PCDHGB4: variants seen among roughly 807,000 people sequenced by gnomAD.
PCDHGB4 encodes the protein protocadherin gamma subfamily B, 4, also known as protocadherin gamma-B4.
In PCDHGB4, 38 loss-of-function variants were observed where a neutral mutation model predicts 60.5. The ratio of observed to expected loss-of-function variants is 0.63; its 90% confidence interval spans 0.48 to 0.82. The LOEUF (loss-of-function observed/expected upper bound fraction) is 0.82, where lower values mean the gene tolerates loss of function less well. PCDHGB4 is among the 40% of genes least tolerant of loss of function. The pLI, the probability that PCDHGB4 is intolerant of heterozygous loss-of-function variation, is 0.00. For synonymous variants in PCDHGB4, 456 were observed against 509.7 expected, an observed-to-expected ratio of 0.89 and a Z score of 1.42; for missense variants, 1,109 against 1,209.6, an observed-to-expected ratio of 0.92 and a Z score of 1.23.
chr5:141,477,817 C>G lies in PCDHGB4; in HGVS notation c.2398-16990C>G, dbSNP rs1593824080. 2 of 1,614,138 alleles carry G rather than the reference C, an allele frequency of 1.2e-6. No individual in the cohort carries two copies. The highest frequency in any genetic ancestry group is 8.5e-7 in the Non-Finnish European group (1 of 1,180,038). ...ATCGCAATGACAATGCCCCCCAGGT[C>G]CTATATCCTCGGCCAGGTGGGAGCT... is the stretch of plus-strand genomic sequence containing the variant. On this transcript the variant is annotated intron_variant, in intron 1 of 3. Coordinates refer to ENST00000519479, the MANE Select transcript of PCDHGB4 (RefSeq NM_003736.4). This position sits in a 1 kb window ranked among gnomAD's most constrained non-coding sequence, Gnocchi z 4.9.
rs1445370262 is a variant in PCDHGB4, at chr5:141,388,395, C to G, written c.511C>G (p.Gln171Glu). Residue 171 changes from glutamine to glutamate, a missense_variant, in exon 1 of 4, where the codon CAA (glutamine) becomes GAA (glutamate). Physicochemically the swap from Gln to Glu is conservative, Grantham distance 29. Transcript: ENST00000519479. ...DIGSNTLQNY[Q>E]LSPSDHFSLI... Reference sequence around the variant, plus strand: ...TGGTAGCAACACACTGCAGAATTACCAACTCAGTCCCAGTGATCATTTCTC... The same window carrying G: ...TGGTAGCAACACACTGCAGAATTACGAACTCAGTCCCAGTGATCATTTCTC... 1.2e-6 allele frequency: 2 copies of G among 1,613,810 alleles called. No homozygotes were observed. The highest frequency in any genetic ancestry group is 8.5e-7 in the Non-Finnish European group (1 of 1,179,872).
intron 1 of PCDHGB4, among the ~76,000 whole-genome samples, chr5:141,451,854 C>T (rs1243479409): frequency 6.6e-6 from 1 of 152,058 alleles, no homozygotes; most frequent in Non-Finnish European, 1.5e-5. Flanking sequence ...CCACTCCAGC[C>T]TAGGCCACAG....
In PCDHGB4 at chr5:141,410,620, G is replaced by C. The variant is rs765125633; in HGVS notation, c.2397+20339G>C. ...CTTCACATCCTGAGACTCTGACTTC[G>C]GTGAGTTTCTCTTTTTTGTGTGTGA... On this transcript the variant is annotated intron_variant, in intron 1 of 3. Coordinates refer to ENST00000519479, the MANE Select transcript of PCDHGB4 (RefSeq NM_003736.4). The C allele has an allele frequency of 3.4e-5, 55 of 1,603,406 alleles. 1 individual carries two copies. The highest frequency in any genetic ancestry group is 2.8e-4 in the Admixed American group (17 of 59,744).
At chr5:141,414,132 T>A in intron 1 of PCDHGB4, 1 of 1,594,828 alleles carries the variant, frequency 6.3e-7, no homozygotes, top group South Asian at 1.1e-5. Flanking sequence ...CCGGTTTCTA[T>A]GAAATAGAAA....
chr5:141,503,608 A>G (rs1451651299), intron 2 of PCDHGB4, among the ~76,000 whole-genome samples: 3 of 151,994 alleles, frequency 2.0e-5, no homozygotes, highest in South Asian at 2.1e-4. Flanking sequence ...CAAAAAAAAA[A>G]AAAAAAGAAA....
intron 1 of PCDHGB4, chr5:141,390,525 G>C: frequency 1.8e-6 from 1 of 552,024 alleles, no homozygotes; most frequent in Non-Finnish European, 3.2e-6. Context: ...CAATGAGGGT[G>C]TGGTTTTAAC....
chr5:141,423,782 C>T (rs1458189260), intron 1 of PCDHGB4: 9 of 1,243,226 alleles, frequency 7.2e-6, no homozygotes, highest in Non-Finnish European at 9.3e-6. Flanking sequence ...ATATTTAGTT[C>T]ATATATATTT....
At chr5:141,413,468 A>C in intron 1 of PCDHGB4, 1 of 1,614,072 alleles carries the variant, frequency 6.2e-7, no homozygotes, top group South Asian at 1.1e-5. Context: ...GACCGGGAGG[A>C]GCTCTGCGCT....
Position 141,489,980 on chromosome 5 carries a change from T to G in PCDHGB4, c.2398-4827T>G, listed in dbSNP as rs2099694325. 1.2e-6 allele frequency: 2 copies of G among 1,614,204 alleles called. No individual in the cohort carries two copies. The highest frequency in any genetic ancestry group is 1.7e-6 in the Non-Finnish European group (2 of 1,180,012). On this transcript the variant is annotated intron_variant, in intron 1 of 3. Transcript: ENST00000519479. This position sits in a 1 kb window ranked among gnomAD's most constrained non-coding sequence, Gnocchi z 4.5. ...GCTCCAACCTTCCAATCCTCAGTTC[T>G]ACGTGTGGGAATCCCAGAGAATGCA...
intron 1 of PCDHGB4, chr5:141,419,864 C>A (rs1282571542): frequency 6.2e-7 from 1 of 1,613,966 alleles, no homozygotes; most frequent in Non-Finnish European, 8.5e-7. Context: ...AGATAGCTTG[C>A]AAGAGGTACT....
chr5:141,394,322 G>T (rs1438978424), intron 1 of PCDHGB4: 3 of 1,613,960 alleles, frequency 1.9e-6, no homozygotes, highest in Non-Finnish European at 1.7e-6. Context: ...CCCTGTCCTC[G>T]TATATCTCCA....
At chr5:141,433,398 T>TCTAC (rs1487149690) in intron 1 of PCDHGB4, among the ~76,000 whole-genome samples, 2 of 151,396 alleles carry the variant, frequency 1.3e-5, no homozygotes, top group Non-Finnish European at 2.9e-5. Context: ...TATCTATCTA[T>TCTAC]CTATCTATTA....
chr5:141,478,139 G>C, intron 1 of PCDHGB4: 15 of 1,614,040 alleles, frequency 9.3e-6, no homozygotes, highest in Non-Finnish European at 1.3e-5. Context: ...TGAAGCCCGA[G>C]CCGAGTTCCC....
intron 1 of PCDHGB4, chr5:141,430,537 A>T (rs1270804825): frequency 7.8e-6 from 3 of 385,890 alleles, no homozygotes; most frequent in African/African-American, 2.1e-5. Flanking sequence ...TAGGACTCTG[A>T]GCGCCGCTGT....
At chr5:141,419,116 C>A in intron 1 of PCDHGB4, 2 of 1,613,888 alleles carry the variant, frequency 1.2e-6, no homozygotes. Context: ...CAGAGTACAA[C>A]GTCACCATCG....
At chr5:141,462,813 TTGG>T (rs1474162732) in intron 1 of PCDHGB4, among the ~76,000 whole-genome samples, 1 of 152,198 alleles carries the variant, frequency 6.6e-6, no homozygotes, top group African/African-American at 2.4e-5. Flanking sequence ...AATGTTTTTA[TTGG>T]ACAGCAGACA....
At chr5:141,424,577 A>T (rs958508704) in intron 1 of PCDHGB4, 1 of 152,206 alleles carries the variant, frequency 6.6e-6, no homozygotes, top group Non-Finnish European at 1.5e-5. Context: ...ACCTATTTTC[A>T]AATGTGCTAA....
chr5:141,421,433 C>A lies in PCDHGB4; in HGVS notation c.2397+31152C>A, dbSNP rs772564300. 5 of 1,614,074 alleles carry A rather than the reference C, an allele frequency of 3.1e-6. No homozygotes were observed. In the African/African-American group the frequency reaches 4.0e-5, roughly 13 times the overall value. On this transcript the variant is annotated intron_variant, in intron 1 of 3. Coordinates refer to ENST00000519479, the MANE Select transcript of PCDHGB4 (RefSeq NM_003736.4). ...GCGAAGCGCGGAGTCCGCATCGTCTCCAGAGGGAAGACACAGCTTTTCGCT... is the reference window on the plus strand; with the variant it reads ...GCGAAGCGCGGAGTCCGCATCGTCTACAGAGGGAAGACACAGCTTTTCGCT...
intron 1 of PCDHGB4, among the ~76,000 whole-genome samples, chr5:141,447,463 C>T (rs1004772636): frequency 6.6e-6 from 1 of 152,142 alleles, no homozygotes; most frequent in African/African-American, 2.4e-5. Context: ...AGTTTTTCTT[C>T]ACCATCTGTA....
Sources: allele counts gnomAD v4.1 joint callset (sites outside exome capture counted in the v4.1 genomes callset), GRCh38; gene constraint gnomAD v4.1.1; non-coding constraint Gnocchi (gnomAD v3.1); transcripts MANE v1.5; gene names NCBI Gene and HGNC (gene_info 2026-07-23, HGNC 2026-07-21).